Variants in TMEM87B observed in about 807,000 individuals in gnomAD.
TMEM87B encodes transmembrane protein 87B.
In TMEM87B, 83 loss-of-function variants were observed where a neutral mutation model predicts 80.3. That is an observed-to-expected ratio of 1.03 (90% CI 0.87 to 1.24). The LOEUF (loss-of-function observed/expected upper bound fraction) is 1.24, where lower values mean the gene tolerates loss of function less well. Among genes scored for constraint, TMEM87B ranks in the 50% most tolerant of loss-of-function variants. The pLI is 0.00. For missense variants in TMEM87B, 625 were observed against 674.4 expected, an observed-to-expected ratio of 0.93 and a Z score of 0.81; for synonymous variants, 219 against 230.5, an observed-to-expected ratio of 0.95 and a Z score of 0.45.
At chr2:112,087,984 G>T (rs1252969546) in intron 9 of TMEM87B, among the ~76,000 whole-genome samples, 1 of 152,282 alleles carries the variant, frequency 6.6e-6, no homozygotes, top group South Asian at 2.1e-4. Flanking sequence ...CTCCTCCCCA[G>T]CCTCCTCTGC....
intron 5 of TMEM87B, among the ~76,000 whole-genome samples, chr2:112,076,131 G>A (rs1678805064): frequency 6.6e-6 from 1 of 151,958 alleles, no homozygotes; most frequent in African/African-American, 2.4e-5. Context: ...CAGGTGCCTG[G>A]AATTCCAGCT....
intron 1 of TMEM87B, among the ~76,000 whole-genome samples, chr2:112,058,111 G>A (rs1027452568): frequency 1.3e-5 from 2 of 152,216 alleles, no homozygotes; most frequent in South Asian, 2.1e-4. Flanking sequence ...ACGGGCGTGA[G>A]CCACCGCACT....
intron 17 of TMEM87B, among the ~76,000 whole-genome samples, chr2:112,109,803 C>T (rs1679865492): frequency 6.8e-6 from 1 of 148,086 alleles, no homozygotes; most frequent in Non-Finnish European, 1.5e-5. Flanking sequence ...GCTCTTTCAC[C>T]CAGGGTGGAG....
chr2:112,080,482 A>G (rs565046690), intron 6 of TMEM87B, among the ~76,000 whole-genome samples: 12 of 145,406 alleles, frequency 8.3e-5, no homozygotes, highest in African/African-American at 3.1e-4. Context: ...GATGGTCTCG[A>G]TCTCCTGACC....
Position 112,057,315 on chromosome 2 carries a change from C to T in TMEM87B, c.165+1559C>T, listed in dbSNP as rs150430287. 3.6e-3 allele frequency among the ~76,000 whole-genome samples: 550 copies of T among 152,322 alleles called. 8 individuals are homozygous for T. The highest frequency in any genetic ancestry group is 0.011 in the African/African-American group (438 of 41,582). Reference sequence around the variant, plus strand: ...TTGAGACAGAGTCTTGTTCTGTTACCTAGGCTGGAGTGCAGTGGCACAGTC... The same window carrying T: ...TTGAGACAGAGTCTTGTTCTGTTACTTAGGCTGGAGTGCAGTGGCACAGTC... On this transcript the variant is annotated intron_variant, in intron 1 of 18. Transcript: ENST00000283206.
chr2:112,095,615 T>A, intron 11 of TMEM87B: 1 of 379,290 alleles, frequency 2.6e-6, no homozygotes, highest in Non-Finnish European at 3.6e-6. Flanking sequence ...GTTCTCATAG[T>A]AACCTGAATT....
chr2:112,057,461 G>A (rs1319557726), intron 1 of TMEM87B, among the ~76,000 whole-genome samples: 1 of 152,154 alleles, frequency 6.6e-6, no homozygotes, highest in African/African-American at 2.4e-5. Context: ...TTTTTGTAGA[G>A]ATAGGGGTCT....
In TMEM87B at chr2:112,086,030, G is replaced by A; in HGVS notation, c.864G>A (p.Glu288=). Reference sequence around the variant, plus strand: ...CCCAAGGCTTATTGATATTTGCGGAGTTGATTTCTGCGATTAAGAGGACGT... The same window carrying A: ...CCCAAGGCTTATTGATATTTGCGGAATTGATTTCTGCGATTAAGAGGACGT... ...LSTQGLLIFA[E]LISAIKRTLA... The change falls in exon 9 of 19, where the codon GAG becomes GAA. Residue 288 remains glutamate (E), a synonymous_variant. Coordinates refer to ENST00000283206, the MANE Select transcript of TMEM87B (RefSeq NM_032824.3). The A allele has an allele frequency of 6.2e-7, 1 of 1,614,172 alleles. No individual in the cohort carries two copies. Among genetic ancestry groups the A allele is most frequent in the Non-Finnish European group, 8.5e-7 (1 of 1,180,026 alleles).
At position 112,091,768 on chromosome 2, in the gene TMEM87B, C is replaced by T. The variant is rs753451249; in HGVS notation, c.1089C>T (p.Ser363=). 3.9e-5 allele frequency: 63 copies of T among 1,612,222 alleles called. No homozygotes were observed. Among genetic ancestry groups the T allele is most frequent in the Non-Finnish European group, 5.3e-5 (63 of 1,178,736 alleles). ...LDDIILAVID[S]IFVWFIFISL... ...ACATTATTTTAGCAGTTATTGACTC[C>T]ATTTTTGTGTGGTTCATATCCTTTA... Residue 363 remains serine, a synonymous_variant, in exon 11 of 19, where the codon TCC becomes TCT. Transcript: ENST00000283206.
intron 6 of TMEM87B, among the ~76,000 whole-genome samples, chr2:112,079,697 A>G (rs895753080): frequency 1.3e-5 from 2 of 152,140 alleles, no homozygotes; most frequent in Non-Finnish European, 2.9e-5. Flanking sequence ...ACTGTTTTTT[A>G]TAATGGCTGT....
chr2:112,085,892 C>A, intron 8 of TMEM87B, 113 bp from the exon 9 acceptor site: 1 of 751,022 alleles, frequency 1.3e-6, no homozygotes, highest in Non-Finnish European at 2.1e-6. Context: ...TCAAATGTGG[C>A]TGATTGGTCT....
At chr2:112,085,980 A>G (rs374273179) in intron 8 of TMEM87B, 25 bp from the exon 9 acceptor site, 80 of 1,602,206 alleles carry the variant, frequency 5.0e-5, no homozygotes, top group Admixed American at 2.9e-4. Context: ...GACAAAGTGA[A>G]TTATTTTATT....
At chr2:112,099,740 G>A (rs1013086047) in intron 14 of TMEM87B, among the ~76,000 whole-genome samples, 8 of 150,758 alleles carry the variant, frequency 5.3e-5, no homozygotes, top group South Asian at 4.2e-4. Context: ...AGCCAGGTGC[G>A]GTGGTATGTG....
At position 112,089,660 on chromosome 2, in the gene TMEM87B, G is replaced by A; in HGVS notation, c.974G>A (p.Gly325Glu). The A allele has an allele frequency of 6.2e-7, 1 of 1,614,142 alleles. No homozygotes were observed. Residue 325 changes from glycine (G) to glutamate (E), a missense_variant, in exon 10 of 19, where the codon GGA (glycine) becomes GAA (glutamate). Physicochemically the swap from Gly to Glu is moderately conservative, Grantham distance 98. Coordinates refer to ENST00000283206, the MANE Select transcript of TMEM87B (RefSeq NM_032824.3). ...RLGTVMHRVI[G>E]LGLLYLIFAA... The stretch of plus-strand genomic sequence containing the variant: ...GGAACAGTCATGCACCGGGTGATCG[G>A]ACTGGGGCTTCTATACTTAATCTTT...
At chr2:112,112,101 G>A (rs565274043) in intron 17 of TMEM87B, among the ~76,000 whole-genome samples, 29 of 152,256 alleles carry the variant, frequency 1.9e-4, no homozygotes, top group African/African-American at 6.5e-4. Flanking sequence ...CTTCACCATG[G>A]ACCGCACTGT....
At chr2:112,063,465 C>T (rs1348380040) in intron 2 of TMEM87B, among the ~76,000 whole-genome samples, 1 of 152,218 alleles carries the variant, frequency 6.6e-6, no homozygotes, top group African/African-American at 2.4e-5. Context: ...CCAGCTTCAA[C>T]TCTTTCTCCT....
intron 13 of TMEM87B, among the ~76,000 whole-genome samples, 164 bp downstream of exon 13, chr2:112,097,455 G>A (rs1042545338): frequency 4.6e-5 from 7 of 152,064 alleles, no homozygotes; most frequent in Middle Eastern, 3.4e-3. Context: ...GGCTGGGCGC[G>A]GTGGCTCACG....
chr2:112,071,785 A>G (rs1037739739), intron 4 of TMEM87B, among the ~76,000 whole-genome samples: 1 of 152,008 alleles, frequency 6.6e-6, no homozygotes, highest in Admixed American at 6.6e-5. Flanking sequence ...TCTTTCTCTT[A>G]CTTGATTGCT....
chr2:112,063,820 G>A (rs1248527546), intron 2 of TMEM87B, among the ~76,000 whole-genome samples: 2 of 152,194 alleles, frequency 1.3e-5, no homozygotes, highest in Non-Finnish European at 2.9e-5. Context: ...CTCACAGGAT[G>A]GCACACAGGA....
Sources: gnomAD v4.1 joint callset for allele counts (sites outside exome capture counted in the v4.1 genomes callset) on GRCh38, gnomAD v4.1.1 for gene constraint, MANE v1.5 for transcripts, NCBI Gene and HGNC (gene_info 2026-07-23, HGNC 2026-07-21) for gene names.